MEGF11: variants seen among roughly 807,000 people sequenced by gnomAD.
MEGF11 encodes the protein multiple EGF like domains 11.
In MEGF11, 126 loss-of-function variants were observed where a neutral mutation model predicts 146.6. The observed-to-expected ratio is 0.86, with a 90% confidence interval of 0.74 to 1.00. The LOEUF (loss-of-function observed/expected upper bound fraction) is 1.00, where lower values mean the gene tolerates loss of function less well. Ranked by LOEUF, MEGF11 falls within the 50% of genes least tolerant of loss-of-function variation. The pLI is 0.00. For missense variants in MEGF11, 1,509 were observed against 1,521.2 expected, an observed-to-expected ratio of 0.99 and a Z score of 0.13; for synonymous variants, 532 against 583.4, an observed-to-expected ratio of 0.91 and a Z score of 1.27.
chr15:66,189,160 C>T (rs1252206707), intron 1 of MEGF11, among the ~76,000 whole-genome samples: 2 of 152,070 alleles, frequency 1.3e-5, no homozygotes, highest in East Asian at 3.9e-4. Flanking sequence ...ATTATTTAAC[C>T]TAATTACCGC....
chr15:66,005,827 C>T (rs1354394812), intron 5 of MEGF11, among the ~76,000 whole-genome samples: 1 of 152,196 alleles, frequency 6.6e-6, no homozygotes, highest in Non-Finnish European at 1.5e-5. Flanking sequence ...CACACTCTAG[C>T]CCTGGCTCAG....
intron 5 of MEGF11, among the ~76,000 whole-genome samples, chr15:65,986,536 A>G (rs2081863136): frequency 6.6e-6 from 1 of 152,216 alleles, no homozygotes; most frequent in Non-Finnish European, 1.5e-5. Flanking sequence ...AGCTTCAGTT[A>G]TCTAGAAAAT....
Position 65,916,927 on chromosome 15 carries a change from A to G in MEGF11, c.2116T>C (p.Cys706Arg). Residue 706 changes from cysteine (C) to arginine (R), a missense_variant, in exon 17 of 26, where the codon TGC (cysteine) becomes CGC (arginine). Cys to Arg is a radical substitution (Grantham distance 180). Transcript: ENST00000395614. ...ACPPGFWGPACFHACSCHNGA... is the reference protein window; with the variant it reads ...ACPPGFWGPARFHACSCHNGA... ...TTGTGGCAGCTGCATGCGTGGAAGC[A>G]GGCGGGGCCCCAGAACCCGGGTGGG... 1 of 1,545,268 alleles carries G rather than the reference A, an allele frequency of 6.5e-7. No homozygotes were observed. The highest frequency in any genetic ancestry group is 8.7e-7 in the Non-Finnish European group (1 of 1,143,728).
intron 1 of MEGF11, among the ~76,000 whole-genome samples, chr15:66,235,867 C>T (rs375391091): frequency 1.3e-5 from 2 of 152,164 alleles, no homozygotes; most frequent in Non-Finnish European, 2.9e-5. Context: ...AGGACTATCC[C>T]GGTTCAGTGT....
intron 1 of MEGF11, among the ~76,000 whole-genome samples, chr15:66,155,655 C>T (rs1199809292): frequency 1.3e-5 from 2 of 152,306 alleles, no homozygotes; most frequent in East Asian, 1.9e-4. Context: ...CCTGATCTCC[C>T]CCATAAGCCT....
chr15:66,123,560 T>C (rs1487936355), intron 3 of MEGF11, among the ~76,000 whole-genome samples: 1 of 152,126 alleles, frequency 6.6e-6, no homozygotes, highest in African/African-American at 2.4e-5. Context: ...GCAACTGGGG[T>C]TCCATCACTG....
intron 12 of MEGF11, 49 bp from the exon 13 acceptor site, chr15:65,928,576 G>T: frequency 7.5e-7 from 1 of 1,326,574 alleles, no homozygotes; most frequent in Non-Finnish European, 1.1e-6. Flanking sequence ...AACCTCCAGA[G>T]GTTTGTGTAC....
rs188212392 is a variant in MEGF11 at position 66,098,789 on chromosome 15, T to C, written c.302-4295A>G. 2.2e-4 allele frequency among the ~76,000 whole-genome samples: 33 copies of C among 152,336 alleles called. No individual in the cohort carries two copies. The East Asian group carries it at 5.4e-3, about 25-fold the overall frequency. ...GAGGTGACATGCTTAGCATGAGTGA[T>C]TCTGCCATGCCCAAGGTCACACGGC... On this transcript the variant is annotated intron_variant, in intron 4 of 25. Transcript: ENST00000395614.
chr15:66,046,154 A>C (rs2084195423), intron 5 of MEGF11, among the ~76,000 whole-genome samples: 2 of 152,148 alleles, frequency 1.3e-5, no homozygotes, highest in African/African-American at 4.8e-5. Context: ...TGAGGCTCAG[A>C]AAGGTGAAGG....
chr15:65,980,944 G>C (rs2081616845), intron 6 of MEGF11, 46 bp from the exon 7 acceptor site: 1 of 1,505,556 alleles, frequency 6.6e-7, no homozygotes, highest in African/African-American at 1.4e-5. Flanking sequence ...ATTCAGATCA[G>C]GTGGCAGGGC....
intron 1 of MEGF11, among the ~76,000 whole-genome samples, chr15:66,131,252 T>C (rs1240214174): frequency 2.0e-5 from 3 of 152,204 alleles, no homozygotes; most frequent in South Asian, 4.1e-4. Context: ...GACAGGGTGT[T>C]GTCAGCCCAC....
intron 1 of MEGF11, among the ~76,000 whole-genome samples, chr15:66,146,019 C>T (rs2089357026): frequency 6.6e-6 from 1 of 152,088 alleles, no homozygotes. Context: ...TTCCTTAAAC[C>T]TCTCTTCACA....
In MEGF11 at chr15:65,895,702, C is replaced by G. The variant is rs1596802733; in HGVS notation, c.*2232G>C. On this transcript the variant is annotated 3_prime_UTR_variant, in exon 26 of 26. Coordinates refer to ENST00000395614, the MANE Select transcript of MEGF11 (RefSeq NM_001385028.1). ...GCCTTTCCCTTCTCCTCTGTATTGC[C>G]TGGTTTGACTTGTATTACATTTCCT... The G allele has an allele frequency of 6.6e-6, 1 of 152,636 alleles. No homozygotes were observed. The highest frequency in any genetic ancestry group is 2.4e-5 in the African/African-American group (1 of 41,446). The allele number at this position is 152,636 out of a possible 1,614,324, so 9.5% of individuals were successfully genotyped here. A position where few individuals can be genotyped will look rare whatever the true frequency, so the allele number is the denominator to read the frequency against.
intron 5 of MEGF11, among the ~76,000 whole-genome samples, chr15:66,091,820 G>A (rs1208929925): frequency 1.3e-5 from 2 of 152,186 alleles, no homozygotes; most frequent in Non-Finnish European, 1.5e-5. Context: ...CACGGCCAAC[G>A]GAGAGAAACC....
chr15:66,077,030 G>A (rs923716867), intron 5 of MEGF11, among the ~76,000 whole-genome samples: 3 of 152,190 alleles, frequency 2.0e-5, no homozygotes, highest in Non-Finnish European at 4.4e-5. Flanking sequence ...TGCCCACCAG[G>A]AAACGCTGCA....
intron 1 of MEGF11, among the ~76,000 whole-genome samples, chr15:66,217,888 G>A (rs1255288515): frequency 1.3e-5 from 2 of 152,198 alleles, no homozygotes; most frequent in Non-Finnish European, 2.9e-5. Flanking sequence ...CCTCAGCTGA[G>A]TAATGGAGAA....
At chr15:66,139,089 G>A (rs946747527) in intron 1 of MEGF11, among the ~76,000 whole-genome samples, 2 of 152,222 alleles carry the variant, frequency 1.3e-5, no homozygotes, top group African/African-American at 2.4e-5. Context: ...TCCAAGTCTG[G>A]ACCAGAGGCC....
intron 24 of MEGF11, chr15:65,905,341 T>C (rs2078594384): frequency 6.6e-6 from 1 of 152,164 alleles, no homozygotes; most frequent in Non-Finnish European, 1.5e-5. Context: ...CATTAGACAA[T>C]AGGACAGGCA....
rs576519322 is a variant in MEGF11 at position 66,105,976 on chromosome 15, A to G, written c.302-11482T>C. Among the ~76,000 whole-genome samples, 18 of 152,316 alleles carry G rather than the reference A, an allele frequency of 1.2e-4. 1 individual carries two copies. Among genetic ancestry groups the G allele is most frequent in the Admixed American group, 4.6e-4 (7 of 15,308 alleles). On this transcript the variant is annotated intron_variant, in intron 4 of 25. Transcript: ENST00000395614. Reference sequence around the variant, plus strand: ...CAGCCAATGCAGGATAAAGGCAACCAGAGGGGCAGTTCTCTGGCCAGGGGA... The same window carrying G: ...CAGCCAATGCAGGATAAAGGCAACCGGAGGGGCAGTTCTCTGGCCAGGGGA...
Sources: gnomAD v4.1 joint callset for allele counts (sites outside exome capture counted in the v4.1 genomes callset) on GRCh38, gnomAD v4.1.1 for gene constraint, MANE v1.5 for transcripts, NCBI Gene and HGNC (gene_info 2026-07-23, HGNC 2026-07-21) for gene names.